Variants in PRICKLE1 observed in about 807,000 individuals in gnomAD.
PRICKLE1 encodes the protein prickle planar cell polarity protein 1, also known as prickle-like protein 1.
Under a neutral mutation model 70.2 loss-of-function variants are expected in PRICKLE1, and 14 were observed. The ratio of observed to expected loss-of-function variants is 0.20; its 90% CI spans 0.13 to 0.31. The LOEUF (loss-of-function observed/expected upper bound fraction) is 0.31. Among genes scored for constraint, PRICKLE1 ranks in the 10% least tolerant of loss-of-function variants. The probability of loss-of-function intolerance (pLI) is 1.00; values close to 1 mark genes in which losing one functional copy is unlikely to be tolerated. For synonymous variants in PRICKLE1, 357 were observed against 379.9 expected, an observed-to-expected ratio of 0.94 and a Z score of 0.70; for missense variants, 821 against 1,026.2, an observed-to-expected ratio of 0.80 and a Z score of 2.73.
intron 1 of PRICKLE1, among the ~76,000 whole-genome samples, chr12:42,499,791 G>A (rs1247856463): frequency 6.6e-6 from 1 of 152,062 alleles, no homozygotes; most frequent in Non-Finnish European, 1.5e-5. Flanking sequence ...GCAGTGGACT[G>A]ATCTTGGCTC....
intron 1 of PRICKLE1, among the ~76,000 whole-genome samples, chr12:42,552,868 T>C (rs1940341112): frequency 6.6e-6 from 1 of 152,204 alleles, no homozygotes. Context: ...GATGTTTTCA[T>C]CAGGCAATAG....
intron 1 of PRICKLE1, among the ~76,000 whole-genome samples, chr12:42,497,010 G>A (rs1238180853): frequency 6.6e-6 from 1 of 152,210 alleles, no homozygotes; most frequent in Non-Finnish European, 1.5e-5. Flanking sequence ...TTTGGCACAA[G>A]AGGACTAGCT....
intron 1 of PRICKLE1, among the ~76,000 whole-genome samples, chr12:42,502,475 T>G (rs150069440): frequency 0.025 from 3,772 of 151,870 alleles, 64 homozygotes; most frequent in Middle Eastern, 0.065. Flanking sequence ...GCCTGGCTAA[T>G]TTTTGTATTT....
chr12:42,541,137 T>C (rs1430259288), intron 1 of PRICKLE1, among the ~76,000 whole-genome samples: 1 of 152,168 alleles, frequency 6.6e-6, no homozygotes, highest in Non-Finnish European at 1.5e-5. Flanking sequence ...AAGATGCACT[T>C]TTCCAGAGGA....
At chr12:42,541,722 G>A (rs1468157403) in intron 1 of PRICKLE1, among the ~76,000 whole-genome samples, 2 of 152,154 alleles carry the variant, frequency 1.3e-5, no homozygotes, top group African/African-American at 4.8e-5. Context: ...TCCAAGGCTG[G>A]CCAGGTGACT....
intron 1 of PRICKLE1, among the ~76,000 whole-genome samples, chr12:42,477,922 G>A (rs1315163728): frequency 6.8e-6 from 1 of 147,670 alleles, no homozygotes; most frequent in African/African-American, 2.5e-5. Context: ...GTAGAACCAT[G>A]CTTAGATGAA....
At chr12:42,474,353 T>G (rs1049646598) in intron 1 of PRICKLE1, among the ~76,000 whole-genome samples, 1 of 152,194 alleles carries the variant, frequency 6.6e-6, no homozygotes, top group Non-Finnish European at 1.5e-5. Flanking sequence ...AAAATTAACA[T>G]TGTAACAGTT....
At chr12:42,560,146 A>C (rs1451785751) in intron 1 of PRICKLE1, among the ~76,000 whole-genome samples, 1 of 120,314 alleles carries the variant, frequency 8.3e-6, no homozygotes, top group African/African-American at 3.5e-5. Flanking sequence ...TATTATTATT[A>C]TTATTTTTGA....
At position 42,460,063 on chromosome 12, in the gene PRICKLE1, T is replaced by C. The variant is rs1937748735; in HGVS notation, c.2242A>G (p.Met748Val). Reference protein sequence around the residue: ...TSDYGLQNPGMNRFLGLYGED... With the variant: ...TSDYGLQNPGVNRFLGLYGED... ...CCGTAGAGTCCCAGAAACCGATTCA[T>C]TCCTGGGTTCTGCAGGCCATAATCG... The change falls in exon 8 of 8, where the codon ATG becomes GTG. Residue 748 changes from methionine (M) to valine (V), a missense_variant. By Grantham distance (21) the Met-to-Val change is conservative (BLOSUM62 1). Transcript: ENST00000345127. 6.2e-7 allele frequency: 1 copy of C among 1,614,130 alleles called. No homozygotes were observed. Among genetic ancestry groups the C allele is most frequent in the African/African-American group, 1.3e-5 (1 of 75,044 alleles).
At chr12:42,506,245 TTTTTTCTTTCTTTC>T (rs1335813590) in intron 1 of PRICKLE1, among the ~76,000 whole-genome samples, 3 of 100,258 alleles carry the variant, frequency 3.0e-5, no homozygotes, top group Non-Finnish European at 5.4e-5. Context: ...AAAAATGTTC[TTTTTTCTTTCTTTC>T]TTTTTTTTTT....
At position 42,460,627 on chromosome 12, in the gene PRICKLE1, A is replaced by G. The variant is rs1011226149; in HGVS notation, c.1678T>C (p.Leu560=). 4 of 1,612,342 alleles carry G rather than the reference A, an allele frequency of 2.5e-6. No homozygotes were observed. The highest frequency in any genetic ancestry group is 3.4e-6 in the Non-Finnish European group (4 of 1,180,028). Residue 560 remains leucine, a synonymous_variant, in exon 8 of 8, where the codon TTG becomes CTG. Transcript: ENST00000345127. ...VDGENKPRPS[L]YSLQNFEEME... ...TCCTCAAAATTTTGCAGAGAATACA[A>G]TGATGGCCTTGGCTTGTTTTCTCCA...
chr12:42,555,901 C>A (rs1940406111), intron 1 of PRICKLE1, among the ~76,000 whole-genome samples: 1 of 152,160 alleles, frequency 6.6e-6, no homozygotes, highest in African/African-American at 2.4e-5. Context: ...ATTCTAAGGG[C>A]CCAGAGAGTA....
In PRICKLE1 at chr12:42,460,304, T is replaced by A. The variant is rs1446645641; in HGVS notation, c.2001A>T (p.Gly667=). ...RRRVYNFEER[G]SRSHHHRRRR... ...GGCGGCGGTGGTGATGAGACCTGGA[T>A]CCCCTCTCTTCAAAATTGTAGACGC... The change falls in exon 8 of 8, where the codon GGA becomes GGT. Residue 667 remains glycine, a synonymous_variant. Coordinates refer to ENST00000345127, the MANE Select transcript of PRICKLE1 (RefSeq NM_153026.3). 1 of 1,614,056 alleles carries A rather than the reference T, an allele frequency of 6.2e-7. No homozygotes were observed. The highest frequency in any genetic ancestry group is 1.1e-5 in the South Asian group (1 of 91,058).
chr12:42,502,359 G>T (rs1939330419), intron 1 of PRICKLE1, among the ~76,000 whole-genome samples: 1 of 150,716 alleles, frequency 6.6e-6, no homozygotes. Context: ...CCAAGTTGGA[G>T]TGCAGTGGCA....
chr12:42,557,974 A>G (rs1940440654), intron 1 of PRICKLE1, among the ~76,000 whole-genome samples: 1 of 152,194 alleles, frequency 6.6e-6, no homozygotes, highest in Admixed American at 6.5e-5. Context: ...GCTTTTAGAG[A>G]GACACTTCAC....
intron 1 of PRICKLE1, among the ~76,000 whole-genome samples, chr12:42,491,380 C>G (rs550181281): frequency 1.3e-4 from 19 of 151,382 alleles, no homozygotes; most frequent in African/African-American, 4.4e-4. Flanking sequence ...TGGTGAAACC[C>G]CATTTCTACT....
intron 1 of PRICKLE1, among the ~76,000 whole-genome samples, chr12:42,582,919 T>C (rs1239948029): frequency 2.6e-5 from 4 of 152,174 alleles, no homozygotes; most frequent in Non-Finnish European, 5.9e-5. Context: ...AGCCAAAAGG[T>C]TGGACACCCC....
At chr12:42,522,880 C>T (rs1939735005) in intron 1 of PRICKLE1, among the ~76,000 whole-genome samples, 2 of 151,938 alleles carry the variant, frequency 1.3e-5, no homozygotes, top group Admixed American at 1.3e-4. Context: ...TTGTGCCATG[C>T]ATTTTATCCT....
chr12:42,530,832 GC>G lies in PRICKLE1; in HGVS notation c.-48-58269del, dbSNP rs1252428263. ...CTCCCAAGTAGCTGAGATTACAGGT[GC>G]CCGGCACCTGTAAAACATGGTGAAA... On this transcript the variant is annotated intron_variant, in intron 1 of 7. Transcript: ENST00000345127. Among the ~76,000 whole-genome samples, 19 of 150,822 alleles carry G rather than the reference GC, an allele frequency of 1.3e-4. 1 individual carries two copies. Among genetic ancestry groups the G allele is most frequent in the Middle Eastern group, 3.4e-3 (1 of 292 alleles).
Sources: gnomAD v4.1 joint callset for allele counts (sites outside exome capture counted in the v4.1 genomes callset) on GRCh38, gnomAD v4.1.1 for gene constraint, MANE v1.5 for transcripts, NCBI Gene and HGNC (gene_info 2026-07-23, HGNC 2026-07-21) for gene names.